The following ACVR2B variants were observed in gnomAD, a reference collection of about 807,000 sequenced individuals.
ACVR2B encodes activin A receptor type 2B.
In ACVR2B, 18 loss-of-function variants were observed where a neutral mutation model predicts 65.1. That is an observed-to-expected ratio of 0.28 (90% confidence interval 0.19 to 0.41). The LOEUF (loss-of-function observed/expected upper bound fraction) is 0.41, where lower values mean the gene tolerates loss of function less well. ACVR2B is among the 10% of genes least tolerant of loss of function. The pLI is 1.00. For missense variants in ACVR2B, 482 were observed against 682.7 expected, an observed-to-expected ratio of 0.71 and a Z score of 3.28; for synonymous variants, 298 against 277.7, an observed-to-expected ratio of 1.07 and a Z score of -0.73.
At chr3:38,457,673 G>C (rs1234142621) in intron 1 of ACVR2B, among the ~76,000 whole-genome samples, 1 of 152,144 alleles carries the variant, frequency 6.6e-6, no homozygotes, top group Non-Finnish European at 1.5e-5. Context: ...ATGGGGGTGG[G>C]GTAAACAGTA....
In ACVR2B at chr3:38,491,755, G is replaced by A. The variant is rs2059811979; in HGVS notation, c.*8423G>A. 6.6e-6 allele frequency: 1 copy of A among 152,204 alleles called. No homozygotes were observed. The highest frequency in any genetic ancestry group is 6.5e-5 in the Admixed American group (1 of 15,288). 9.4% of individuals were successfully genotyped at this position (152,204 alleles called of 1,614,324 possible). A position where few individuals can be genotyped will look rare whatever the true frequency, so the allele number is the denominator to read the frequency against. ...GGAAGGAATTGTTAAAATGCCAGCG[G>A]CTTTTTTTTCCTCTTTTTTTCTGTA... On this transcript the variant is annotated 3_prime_UTR_variant, in exon 11 of 11. Coordinates refer to ENST00000352511, the MANE Select transcript of ACVR2B (RefSeq NM_001106.4).
intron 1 of ACVR2B, among the ~76,000 whole-genome samples, chr3:38,470,680 G>C (rs1205258628): frequency 6.6e-6 from 1 of 152,166 alleles, no homozygotes; most frequent in East Asian, 1.9e-4. Context: ...ACTAAATACG[G>C]AACACAAGCA....
intron 6 of ACVR2B, 105 bp downstream of exon 6, chr3:38,479,376 G>A: frequency 6.5e-7 from 1 of 1,543,028 alleles, no homozygotes; most frequent in Non-Finnish European, 8.9e-7. Flanking sequence ...CCACCATGAA[G>A]TACTCTGCCC....
chr3:38,485,693 T>A lies in ACVR2B; in HGVS notation c.*2361T>A, dbSNP rs1425936126. On this transcript the variant is annotated 3_prime_UTR_variant, in exon 11 of 11. Transcript: ENST00000352511. The stretch of plus-strand genomic sequence containing the variant: ...TTTTTTTTTTTTTTTTTTTTTTTTT[T>A]AATGGTTTGATTTTGTGCTGTGGTA... The A allele has an allele frequency of 1.3e-4, 18 of 134,754 alleles. No individual in the cohort carries two copies. In the East Asian group the frequency reaches 3.4e-3, roughly 25 times the overall value. The allele number at this position is 134,754 out of a possible 1,614,324, so 8.3% of individuals were successfully genotyped here. A position where few individuals can be genotyped will look rare whatever the true frequency, so the allele number is the denominator to read the frequency against.
At chr3:38,469,144 A>G (rs1709780043) in intron 1 of ACVR2B, among the ~76,000 whole-genome samples, 1 of 152,230 alleles carries the variant, frequency 6.6e-6, no homozygotes, top group Non-Finnish European at 1.5e-5. Flanking sequence ...AGTGAACAAA[A>G]CAGTGGAAAA....
At position 38,482,346 on chromosome 3, in the gene ACVR2B, A is replaced by G. The variant is rs1459122775; in HGVS notation, c.1213+10A>G. On this transcript the variant is annotated intron_variant, in intron 9 of 10. Coordinates refer to ENST00000352511, the MANE Select transcript of ACVR2B (RefSeq NM_001106.4). Reference sequence around the variant, plus strand: ...TGCAAGGCTGCAGACGGTAAGTAGGATGGCAGCCCTGGGCATCCTAGATTG... The same window carrying G: ...TGCAAGGCTGCAGACGGTAAGTAGGGTGGCAGCCCTGGGCATCCTAGATTG... 3 of 1,609,948 alleles carry G rather than the reference A, an allele frequency of 1.9e-6. No homozygotes were observed. The highest frequency in any genetic ancestry group is 2.5e-6 in the Non-Finnish European group (3 of 1,179,126).
chr3:38,483,096 T>C lies in ACVR2B; in HGVS notation c.1345-42T>C. On this transcript the variant is annotated intron_variant, in intron 10 of 10. Transcript: ENST00000352511. This position sits in a 1 kb window ranked among gnomAD's most constrained non-coding sequence, Gnocchi z 4.8. The stretch of plus-strand genomic sequence containing the variant: ...CCCAAAGCTTTTCCTCACTGAAGGG[T>C]CCTAACAAAGGTGTCTTTCCTGTCT... 1 of 1,610,512 alleles carries C rather than the reference T, an allele frequency of 6.2e-7. No homozygotes were observed. Among genetic ancestry groups the C allele is most frequent in the South Asian group, 1.1e-5 (1 of 90,988 alleles).
At chr3:38,470,755 G>A (rs1340172973) in intron 1 of ACVR2B, among the ~76,000 whole-genome samples, 1 of 152,150 alleles carries the variant, frequency 6.6e-6, no homozygotes, top group Admixed American at 6.5e-5. Flanking sequence ...TTCCAATGAG[G>A]GATGGTAGAG....
rs138732565 is a variant in ACVR2B, at chr3:38,462,621, G to A, written c.52+8247G>A. 1.8e-3 allele frequency among the ~76,000 whole-genome samples: 280 copies of A among 152,188 alleles called. 1 individual carries two copies. The highest frequency in any genetic ancestry group is 6.5e-3 in the African/African-American group (269 of 41,524). The stretch of plus-strand genomic sequence containing the variant: ...TTGGATGTCATGGCTTTTTAAACTC[G>A]GAGATTTGCTTTGGCAAACTTTCTG... On this transcript the variant is annotated intron_variant, in intron 1 of 10. Coordinates refer to ENST00000352511, the MANE Select transcript of ACVR2B (RefSeq NM_001106.4).
At chr3:38,478,025 G>T in intron 3 of ACVR2B, 55 bp downstream of exon 3, 1 of 1,602,682 alleles carries the variant, frequency 6.2e-7, no homozygotes, top group Non-Finnish European at 8.5e-7. Flanking sequence ...GGCTTCTTTG[G>T]CTTGGAGCGC....
chr3:38,469,968 A>G lies in ACVR2B; in HGVS notation c.53-7319A>G, dbSNP rs138037564. Among the ~76,000 whole-genome samples the G allele has an allele frequency of 5.4e-3, 816 of 152,336 alleles. 4 individuals are homozygous for G. The highest frequency in any genetic ancestry group is 0.019 in the African/African-American group (773 of 41,576). On this transcript the variant is annotated intron_variant, in intron 1 of 10. Coordinates refer to ENST00000352511, the MANE Select transcript of ACVR2B (RefSeq NM_001106.4). ...AAAAATAGAATAATTGAATTTATAA[A>G]TTGAGTAGAAGAACTAAACAACAGA...
chr3:38,459,197 C>T (rs1559645230), intron 1 of ACVR2B, among the ~76,000 whole-genome samples: 1 of 152,178 alleles, frequency 6.6e-6, no homozygotes, highest in Non-Finnish European at 1.5e-5. Context: ...TCCTCAAAGC[C>T]TAGGAGATTC....
At chr3:38,460,313 A>T (rs1709622497) in intron 1 of ACVR2B, among the ~76,000 whole-genome samples, 2 of 152,020 alleles carry the variant, frequency 1.3e-5, no homozygotes, top group African/African-American at 4.8e-5. Context: ...AGAGGTGCCT[A>T]TTCCTTGTGG....
chr3:38,464,287 A>G (rs1192303476), intron 1 of ACVR2B, among the ~76,000 whole-genome samples: 1 of 152,224 alleles, frequency 6.6e-6, no homozygotes, highest in African/African-American at 2.4e-5. Context: ...AATACTGCCC[A>G]TGGACAATCT....
chr3:38,481,385 G>A lies in ACVR2B; in HGVS notation c.994G>A (p.Asp332Asn). 1.9e-6 allele frequency: 3 copies of A among 1,614,194 alleles called. No homozygotes were observed. The highest frequency in any genetic ancestry group is 2.2e-5 in the South Asian group (2 of 91,062). Residue 332 changes from aspartate (D) to asparagine (N), a missense_variant, in exon 8 of 11, where the codon GAC becomes AAC. By Grantham distance (23) the Asp-to-Asn change is conservative. Coordinates refer to ENST00000352511, the MANE Select transcript of ACVR2B (RefSeq NM_001106.4). This position sits in a 1 kb window ranked among gnomAD's most constrained non-coding sequence, Gnocchi z 4.7. ...AAGTAAGAATGTATTGCTGAAGAGC[G>A]ACCTCACAGCCGTGCTGGCTGACTT... is the stretch of plus-strand genomic sequence containing the variant. ...FKSKNVLLKS[D>N]LTAVLADFGL...
chr3:38,471,486 C>T (rs1018101983), intron 1 of ACVR2B, among the ~76,000 whole-genome samples: 3 of 152,092 alleles, frequency 2.0e-5, no homozygotes, highest in South Asian at 2.1e-4. Flanking sequence ...AGCCAAGAAA[C>T]GCCCACACAT....
intron 7 of ACVR2B, 98 bp downstream of exon 7, chr3:38,479,924 A>C: frequency 6.9e-7 from 1 of 1,458,764 alleles, no homozygotes; most frequent in Non-Finnish European, 9.3e-7. Flanking sequence ...AACTTCCTAA[A>C]CATACTTACC....
intron 1 of ACVR2B, among the ~76,000 whole-genome samples, chr3:38,466,182 C>T (rs574197653): frequency 1.1e-4 from 17 of 152,140 alleles, no homozygotes; most frequent in Middle Eastern, 3.4e-3. Context: ...AGAAATAGAG[C>T]GTAGAATAGT....
At chr3:38,457,153 G>A (rs982699574) in intron 1 of ACVR2B, among the ~76,000 whole-genome samples, 4 of 152,256 alleles carry the variant, frequency 2.6e-5, no homozygotes, top group South Asian at 2.1e-4. Flanking sequence ...GCAGTGAGCC[G>A]AGATCATGTC....
Sources: allele counts gnomAD v4.1 joint callset (sites outside exome capture counted in the v4.1 genomes callset), GRCh38; gene constraint gnomAD v4.1.1; non-coding constraint Gnocchi (gnomAD v3.1); transcripts MANE v1.5; gene names NCBI Gene and HGNC (gene_info 2026-07-23, HGNC 2026-07-21).